Variants in INSC observed in about 807,000 individuals in gnomAD.
INSC encodes protein inscuteable homolog.
A neutral mutation model predicts 58.6 loss-of-function variants in INSC; 67 were observed. The ratio of observed to expected loss-of-function variants is 1.14; its 90% CI spans 0.94 to 1.40. INSC has a LOEUF of 1.40. Among genes scored for constraint, INSC ranks in the 40% most tolerant of loss-of-function variants. The probability of loss-of-function intolerance (pLI) is 0.00; values close to 1 mark genes in which losing one functional copy is unlikely to be tolerated. For missense variants in INSC, 714 were observed against 692.0 expected, an observed-to-expected ratio of 1.03 and a Z score of -0.36; for synonymous variants, 262 against 276.1, an observed-to-expected ratio of 0.95 and a Z score of 0.51.
intron 9 of INSC, among the ~76,000 whole-genome samples, chr11:15,232,794 C>T (rs553457260): frequency 2.0e-5 from 3 of 152,084 alleles, no homozygotes; most frequent in African/African-American, 7.2e-5. Flanking sequence ...ATTAAGGAAG[C>T]AAAGGTCAGA....
At chr11:15,122,727 CAGCATCATCCT>C in intron 1 of INSC, among the ~76,000 whole-genome samples, 1 of 152,128 alleles carries the variant, frequency 6.6e-6, no homozygotes, top group Non-Finnish European at 1.5e-5. Flanking sequence ...CCATCTCCAC[CAGCATCATCCT>C]AGTTCATGGT....
intron 1 of INSC, among the ~76,000 whole-genome samples, chr11:15,126,556 C>T (rs1047580421): frequency 2.0e-5 from 3 of 152,118 alleles, no homozygotes; most frequent in Non-Finnish European, 4.4e-5. Flanking sequence ...GCCCTCTATT[C>T]TTATAGATGG....
At chr11:15,229,947 ATTATATATATAT>A (rs1357965562) in intron 9 of INSC, among the ~76,000 whole-genome samples, 412 of 38,710 alleles carry the variant, frequency 0.011, 15 homozygotes, top group African/African-American at 0.048. Flanking sequence ...TATATATAAT[ATTATATATATAT>A]TTATATATAT....
intron 2 of INSC, among the ~76,000 whole-genome samples, chr11:15,160,777 C>T (rs1432891104): frequency 6.6e-6 from 1 of 152,208 alleles, no homozygotes; most frequent in Non-Finnish European, 1.5e-5. Context: ...GAGCTAAATT[C>T]ATGTTCCTTG....
intron 2 of INSC, among the ~76,000 whole-genome samples, chr11:15,164,427 C>T (rs945976792): frequency 1.3e-5 from 2 of 152,162 alleles, no homozygotes; most frequent in African/African-American, 4.8e-5. Context: ...ACATCTCGTT[C>T]CTGTGCCTCT....
At chr11:15,252,573 G>A in the INSC span, among the ~76,000 whole-genome samples, 1 of 152,110 alleles carries the variant, frequency 6.6e-6, no homozygotes, top group Non-Finnish European at 1.5e-5. Context: ...TCTTGATATG[G>A]CTTTTAGCTT....
intron 1 of INSC, among the ~76,000 whole-genome samples, chr11:15,142,986 G>A (rs1235522164): frequency 3.3e-5 from 5 of 152,068 alleles, no homozygotes; most frequent in East Asian, 1.9e-4. Context: ...TACTCATCAC[G>A]GCATGCTGAA....
chr11:15,219,578 C>T (rs536712267), intron 7 of INSC, among the ~76,000 whole-genome samples: 6 of 152,148 alleles, frequency 3.9e-5, no homozygotes, highest in South Asian at 4.2e-4. Context: ...CCATCAAATC[C>T]TTGGCCTCTC....
intron 2 of INSC, among the ~76,000 whole-genome samples, chr11:15,156,044 G>A (rs1239994349): frequency 6.6e-6 from 1 of 152,146 alleles, no homozygotes; most frequent in East Asian, 1.9e-4. Context: ...GGCCACTGAG[G>A]GAATGAGGAG....
intron 2 of INSC, among the ~76,000 whole-genome samples, chr11:15,169,066 C>T (rs577918191): frequency 7.9e-5 from 12 of 152,250 alleles, no homozygotes; most frequent in African/African-American, 2.9e-4. Flanking sequence ...TGGATACATC[C>T]CCCTTATGCT....
At chr11:15,178,539 A>T in intron 5 of INSC, 92 bp downstream of exon 5, 1 of 1,410,034 alleles carries the variant, frequency 7.1e-7, no homozygotes, top group Non-Finnish European at 9.5e-7. Flanking sequence ...TGGGGAAGCT[A>T]CTGATGTGGA....
chr11:15,245,415 G>C (rs552838942), intron 12 of INSC, among the ~76,000 whole-genome samples: 200 of 152,282 alleles, frequency 1.3e-3, no homozygotes, highest in African/African-American at 4.4e-3. Flanking sequence ...ATTGTGTGGG[G>C]AGCTGGGGAG....
intron 9 of INSC, among the ~76,000 whole-genome samples, chr11:15,233,305 C>A (rs898671920): frequency 6.6e-6 from 1 of 152,182 alleles, no homozygotes; most frequent in African/African-American, 2.4e-5. Context: ...GTCTGCCTGG[C>A]TCCTGCACTC....
Position 15,238,938 on chromosome 11 carries a change from C to T in INSC, c.1257C>T (p.Gly419=), listed in dbSNP as rs774993346. The T allele has an allele frequency of 1.1e-5, 17 of 1,614,050 alleles. No individual in the cohort carries two copies. The highest frequency in any genetic ancestry group is 4.5e-5 in the East Asian group (2 of 44,864). The change falls in exon 11 of 13, where the codon GGC becomes GGT. Residue 419 remains glycine (G), a synonymous_variant. Coordinates refer to ENST00000379556, the MANE Select transcript of INSC (RefSeq NM_001042536.3). ...IQENGVQLIM[G]MLSEKPRSGT... ...GCCTAGGGGTCCAGCTTATCATGGG[C>T]ATGCTGTCTGAAAAACCAAGGTCTG...
At chr11:15,169,039 C>A (rs1386246515) in intron 2 of INSC, among the ~76,000 whole-genome samples, 1 of 152,138 alleles carries the variant, frequency 6.6e-6, no homozygotes, top group Non-Finnish European at 1.5e-5. Flanking sequence ...AGTGTGCAGG[C>A]CTTGTTTGCT....
chr11:15,267,485 G>A, the INSC span, among the ~76,000 whole-genome samples: 2 of 151,396 alleles, frequency 1.3e-5, no homozygotes, highest in African/African-American at 4.9e-5. Flanking sequence ...ATGTCTTCAG[G>A]TTCACTAAAA....
chr11:15,257,410 CA>C, the INSC span, among the ~76,000 whole-genome samples: 1 of 151,950 alleles, frequency 6.6e-6, no homozygotes, highest in Non-Finnish European at 1.5e-5. Flanking sequence ...GTACATAGTA[CA>C]ATGTCATTTA....
intron 5 of INSC, among the ~76,000 whole-genome samples, chr11:15,186,568 A>C (rs1849976586): frequency 6.6e-6 from 1 of 152,136 alleles, no homozygotes; most frequent in African/African-American, 2.4e-5. Context: ...TCTTATCCAC[A>C]TTTATGTTCC....
chr11:15,251,301 C>T (rs1316457126), downstream of INSC, among the ~76,000 whole-genome samples: 1 of 152,212 alleles, frequency 6.6e-6, no homozygotes, highest in Non-Finnish European at 1.5e-5. Context: ...CACTATACAA[C>T]TCTTCGAAGT....
Sources: allele counts gnomAD v4.1 joint callset (sites outside exome capture counted in the v4.1 genomes callset), GRCh38; gene constraint gnomAD v4.1.1; transcripts MANE v1.5; gene names NCBI Gene and HGNC (gene_info 2026-07-23, HGNC 2026-07-21).